Variants in MVB12B observed in about 807,000 individuals in gnomAD.
MVB12B encodes the protein multivesicular body subunit 12B, also known as ESCRT-I complex subunit MVB12B.
MVB12B carries 16 observed loss-of-function variants against 41.6 expected under a neutral mutation model. That is an observed-to-expected ratio of 0.38 (90% confidence interval 0.26 to 0.58). The LOEUF (loss-of-function observed/expected upper bound fraction) is 0.58, where lower values mean the gene tolerates loss of function less well. Ranked by LOEUF, MVB12B falls within the 20% of genes least tolerant of loss-of-function variation. MVB12B has a pLI of 0.62. For missense variants in MVB12B, 274 were observed against 380.2 expected (o/e 0.72, Z 2.32); for synonymous variants, 133 against 139.7 (o/e 0.95, Z 0.34).
chr9:126,501,629 G>A (rs1350810909), intron 9 of MVB12B, among the ~76,000 whole-genome samples: 1 of 152,216 alleles, frequency 6.6e-6, no homozygotes, highest in East Asian at 1.9e-4. Context: ...CTGTGGCCAT[G>A]GACGTGGTGC....
At chr9:126,378,650 CTCTT>C (rs1830552812) in intron 2 of MVB12B, among the ~76,000 whole-genome samples, 1 of 151,886 alleles carries the variant, frequency 6.6e-6, no homozygotes, top group African/African-American at 2.4e-5. Context: ...CTCTCTCTCT[CTCTT>C]TCTTTCTTCC....
chr9:126,378,180 G>GT (rs1273873472), intron 2 of MVB12B, among the ~76,000 whole-genome samples: 1 of 152,224 alleles, frequency 6.6e-6, no homozygotes, highest in Non-Finnish European at 1.5e-5. Context: ...TGCTGAGTTT[G>GT]TAAGTTTCTG....
chr9:126,476,141 A>G (rs539902157), intron 7 of MVB12B, among the ~76,000 whole-genome samples: 66 of 116,716 alleles, frequency 5.7e-4, no homozygotes, highest in South Asian at 1.8e-3. Flanking sequence ...CATTTCAGGA[A>G]TGCGTCTTCC....
At chr9:126,484,179 C>G (rs1833586859) in intron 9 of MVB12B, 147 bp downstream of exon 9, 2 of 678,320 alleles carry the variant, frequency 2.9e-6, no homozygotes, top group African/African-American at 3.6e-5. Flanking sequence ...TTTCGTTGCA[C>G]CCAAATGTGT....
At chr9:126,469,781 A>C (rs1176142337) in intron 7 of MVB12B, among the ~76,000 whole-genome samples, 1 of 152,242 alleles carries the variant, frequency 6.6e-6, no homozygotes, top group Non-Finnish European at 1.5e-5. Context: ...AGGTGTGTGC[A>C]CTGACCCAGT....
At chr9:126,461,284 T>TTG in intron 7 of MVB12B, among the ~76,000 whole-genome samples, 1 of 152,344 alleles carries the variant, frequency 6.6e-6, no homozygotes, top group South Asian at 2.1e-4. Flanking sequence ...TTGCTCTCTG[T>TTG]TGTCTTTGAA....
intron 7 of MVB12B, among the ~76,000 whole-genome samples, chr9:126,439,824 T>G (rs922991125): frequency 1.3e-5 from 2 of 152,264 alleles, no homozygotes; most frequent in Non-Finnish European, 2.9e-5. Context: ...AAGGCTACAT[T>G]AAGTGGACAG....
At position 126,391,065 on chromosome 9, in the gene MVB12B, A is replaced by G. The variant is rs1320136137; in HGVS notation, c.410-1001A>G. ...GTCATCAGAGGGTGAGAAAGTGCTC[A>G]GAGGATGGCAGTTGGGGAACTGTGT... On this transcript the variant is annotated intron_variant, in intron 4 of 9. Coordinates refer to ENST00000361171, the MANE Select transcript of MVB12B (RefSeq NM_033446.3). This position sits in a 1 kb window ranked among gnomAD's most constrained non-coding sequence, Gnocchi z 4.4. Among the ~76,000 whole-genome samples the G allele has an allele frequency of 6.6e-6, 1 of 152,202 alleles. No homozygotes were observed. Among genetic ancestry groups the G allele is most frequent in the Non-Finnish European group, 1.5e-5 (1 of 68,038 alleles).
rs547837676 is a variant in MVB12B at position 126,424,797 on chromosome 9, C to T, written c.757+2849C>T. Among the ~76,000 whole-genome samples, 31 of 152,338 alleles carry T rather than the reference C, an allele frequency of 2.0e-4. No homozygotes were observed. In the South Asian group the frequency reaches 5.6e-3, roughly 27 times the overall value. On this transcript the variant is annotated intron_variant, in intron 7 of 9. Coordinates refer to ENST00000361171, the MANE Select transcript of MVB12B (RefSeq NM_033446.3). The stretch of plus-strand genomic sequence containing the variant: ...TCTTGTACCCTAATCCAAACGGCCA[C>T]GGCCACAAAGCCAGCATCCATCCTC...
At position 126,340,644 on chromosome 9, in the gene MVB12B, C is replaced by T. The variant is rs1276409628; in HGVS notation, c.204+14C>T. On this transcript the variant is annotated intron_variant, in intron 2 of 9. Coordinates refer to ENST00000361171, the MANE Select transcript of MVB12B (RefSeq NM_033446.3). The surrounding 1 kb of genome is among the most constrained non-coding windows in gnomAD (Gnocchi z 4.0). ...GGCTATGACGTAGTAAGTCAAGATA[C>T]TAGTTTGTACATTTTGCTCACTGAT... is the stretch of plus-strand genomic sequence containing the variant. 1.2e-6 allele frequency: 2 copies of T among 1,612,502 alleles called. No individual in the cohort carries two copies. Among genetic ancestry groups the T allele is most frequent in the African/African-American group, 1.3e-5 (1 of 74,994 alleles).
Position 126,389,722 on chromosome 9 carries a change from A to C in MVB12B, c.410-2344A>C, listed in dbSNP as rs1380817053. ...TAATCTTTGAAGTTGCAGAGTTGCC[A>C]TGAGCAGCGCCCCCAACTCCCCAGG... On this transcript the variant is annotated intron_variant, in intron 4 of 9. Transcript: ENST00000361171. This position sits in a 1 kb window ranked among gnomAD's most constrained non-coding sequence, Gnocchi z 4.4. 6.6e-6 allele frequency among the ~76,000 whole-genome samples: 1 copy of C among 152,048 alleles called. No individual in the cohort carries two copies. Among genetic ancestry groups the C allele is most frequent in the Non-Finnish European group, 1.5e-5 (1 of 68,000 alleles).
chr9:126,502,221 C>T (rs1833973283), intron 9 of MVB12B, among the ~76,000 whole-genome samples: 1 of 152,132 alleles, frequency 6.6e-6, no homozygotes, highest in Non-Finnish European at 1.5e-5. Context: ...TTCCCCATAC[C>T]CCACCCAGCC....
At chr9:126,406,527 A>G (rs968618190) in intron 6 of MVB12B, among the ~76,000 whole-genome samples, 5 of 152,192 alleles carry the variant, frequency 3.3e-5, no homozygotes, top group African/African-American at 1.2e-4. Flanking sequence ...CGAAAAGCGG[A>G]TGTTTTAGTA....
At chr9:126,355,672 C>A (rs891615266) in intron 2 of MVB12B, among the ~76,000 whole-genome samples, 1 of 152,118 alleles carries the variant, frequency 6.6e-6, no homozygotes, top group African/African-American at 2.4e-5. Context: ...GTTTTTAGGC[C>A]GCATTCTCTT....
chr9:126,337,555 C>A (rs1240630235), intron 1 of MVB12B, among the ~76,000 whole-genome samples: 1 of 152,108 alleles, frequency 6.6e-6, no homozygotes, highest in African/African-American at 2.4e-5. Context: ...TGCCTCTCTG[C>A]CTAGTACAAT....
Position 126,486,501 on chromosome 9 carries a change from A to G in MVB12B, c.873+2469A>G, listed in dbSNP as rs1833622112. On this transcript the variant is annotated intron_variant, in intron 9 of 9. Coordinates refer to ENST00000361171, the MANE Select transcript of MVB12B (RefSeq NM_033446.3). The surrounding 1 kb of genome is among the most constrained non-coding windows in gnomAD (Gnocchi z 4.7). ...CTGCTGTTTACCATGGGGTCACGGCAGAACCTGTCTCACGGGGTGCTTTGT... is the reference window on the plus strand; with the variant it reads ...CTGCTGTTTACCATGGGGTCACGGCGGAACCTGTCTCACGGGGTGCTTTGT... Among the ~76,000 whole-genome samples, 1 of 152,238 alleles carries G rather than the reference A, an allele frequency of 6.6e-6. No individual in the cohort carries two copies. Among genetic ancestry groups the G allele is most frequent in the South Asian group, 2.1e-4 (1 of 4,832 alleles).
intron 9 of MVB12B, among the ~76,000 whole-genome samples, chr9:126,493,665 C>A (rs1253250413): frequency 6.6e-6 from 1 of 152,212 alleles, no homozygotes; most frequent in African/African-American, 2.4e-5. Flanking sequence ...CATCCAGAAA[C>A]AAGGGATGCC....
At chr9:126,373,451 A>G (rs779986465) in intron 2 of MVB12B, among the ~76,000 whole-genome samples, 15 of 152,218 alleles carry the variant, frequency 9.9e-5, no homozygotes, top group Admixed American at 3.3e-4. Context: ...AGGCCTATGA[A>G]CTTCATTCTT....
At chr9:126,428,870 T>C (rs1171180817) in intron 7 of MVB12B, among the ~76,000 whole-genome samples, 1 of 152,156 alleles carries the variant, frequency 6.6e-6, no homozygotes, top group African/African-American at 2.4e-5. Flanking sequence ...CAGGGGTCCC[T>C]GTGGCCCTTG....
Sources: gnomAD v4.1 joint callset for allele counts (sites outside exome capture counted in the v4.1 genomes callset) on GRCh38, gnomAD v4.1.1 for gene constraint, Gnocchi (gnomAD v3.1) non-coding constraint, MANE v1.5 for transcripts, NCBI Gene and HGNC (gene_info 2026-07-23, HGNC 2026-07-21) for gene names.